The following CHRM3 variants were observed in gnomAD, a reference collection of about 807,000 sequenced individuals.
The protein encoded by CHRM3 is muscarinic acetylcholine receptor M3.
CHRM3 carries 11 observed loss-of-function variants against 41.8 expected under a neutral mutation model. That is an observed-to-expected ratio of 0.26 (90% CI 0.17 to 0.44). The LOEUF (loss-of-function observed/expected upper bound fraction) is 0.44, where lower values mean the gene tolerates loss of function less well. Ranked by LOEUF, CHRM3 falls within the 20% of genes least tolerant of loss-of-function variation. CHRM3 has a pLI of 1.00. For synonymous variants in CHRM3, 297 were observed against 301.4 expected (o/e 0.99, Z 0.15); for missense variants, 571 against 745.4 (o/e 0.77, Z 2.72).
intron 3 of CHRM3, among the ~76,000 whole-genome samples, chr1:239,628,706 G>T (rs1669320435): frequency 3.7e-5 from 2 of 53,866 alleles, no homozygotes; most frequent in African/African-American, 3.3e-4. Flanking sequence ...CTGTTTGTTA[G>T]TTTTCCTTCT....
intron 3 of CHRM3, among the ~76,000 whole-genome samples, chr1:239,613,109 G>C (rs974783147): frequency 2.0e-5 from 3 of 152,184 alleles, no homozygotes; most frequent in African/African-American, 7.2e-5. Context: ...TGTGATTTGG[G>C]ATGCCCCTCA....
rs138614648 is a variant in CHRM3, at chr1:239,548,976, G to A, written c.-313+3227G>A. Among the ~76,000 whole-genome samples the A allele has an allele frequency of 7.5e-3, 1,144 of 152,224 alleles. 17 individuals carry two copies. The highest frequency in any genetic ancestry group is 0.025 in the African/African-American group (1,056 of 41,510). ...AAATAAAGAGGTTTAATGAACTTAC[G>A]GTTCTATGTGGCTGGGGAGGCCTCA... On this transcript the variant is annotated intron_variant, in intron 3 of 6. Coordinates refer to ENST00000676153, the MANE Select transcript of CHRM3 (RefSeq NM_001375978.1).
intron 1 of CHRM3, among the ~76,000 whole-genome samples, chr1:239,415,945 G>A (rs962712539): frequency 2.0e-5 from 3 of 152,048 alleles, no homozygotes; most frequent in East Asian, 1.9e-4. Context: ...TTTCTTACTC[G>A]GTAAAAATTA....
chr1:239,661,658 A>G (rs547756415), intron 4 of CHRM3, among the ~76,000 whole-genome samples: 2 of 152,326 alleles, frequency 1.3e-5, no homozygotes, highest in African/African-American at 4.8e-5. Context: ...GAGTTAGCGT[A>G]GAGGGAGGGA....
intron 6 of CHRM3, among the ~76,000 whole-genome samples, chr1:239,876,393 G>C (rs1388690298): frequency 6.6e-6 from 1 of 152,216 alleles, no homozygotes; most frequent in Non-Finnish European, 1.5e-5. Flanking sequence ...TTGGTGACAT[G>C]ATAGCGAGGT....
intron 6 of CHRM3, among the ~76,000 whole-genome samples, chr1:239,872,567 T>C (rs1310034287): frequency 6.6e-6 from 1 of 152,174 alleles, no homozygotes; most frequent in Non-Finnish European, 1.5e-5. Context: ...AATGACAGGA[T>C]ACAACACAAA....
intron 4 of CHRM3, among the ~76,000 whole-genome samples, chr1:239,674,599 A>G (rs1334740385): frequency 6.6e-6 from 1 of 150,894 alleles, no homozygotes; most frequent in Non-Finnish European, 1.5e-5. Context: ...AGTCCCAGCT[A>G]CTCTGAAGGC....
intron 2 of CHRM3, among the ~76,000 whole-genome samples, chr1:239,529,461 A>C (rs2148316623): frequency 6.6e-6 from 1 of 151,924 alleles, no homozygotes; most frequent in East Asian, 2.0e-4. Context: ...AAAATACAAA[A>C]ATTAGCTGGA....
chr1:239,888,700 G>T (rs1678283386), intron 6 of CHRM3, among the ~76,000 whole-genome samples: 1 of 152,082 alleles, frequency 6.6e-6, no homozygotes, highest in Non-Finnish European at 1.5e-5. Flanking sequence ...TTCATGGGGA[G>T]AAACCAAGTA....
At chr1:239,811,259 T>C (rs1671092658) in intron 5 of CHRM3, among the ~76,000 whole-genome samples, 1 of 152,220 alleles carries the variant, frequency 6.6e-6, no homozygotes, top group African/African-American at 2.4e-5. Flanking sequence ...ATTTTAGCTC[T>C]TATGATGTGG....
At position 239,915,178 on chromosome 1, in the gene CHRM3, A is replaced by G. The variant is rs1279938676; in HGVS notation, c.*5954A>G. 3.4e-4 allele frequency: 56 copies of G among 167,058 alleles called. No homozygotes were observed. Among genetic ancestry groups the G allele is most frequent in the Non-Finnish European group, 4.4e-5 (3 of 68,112 alleles). The allele number at this position is 167,058 out of a possible 1,614,324, so 10.3% of individuals were successfully genotyped here. ...GCAGTCCAAAAACAGATGGGTGTATATTTGCTTTGTAAGCAAAGGGCATGT... is the reference window on the plus strand; with the variant it reads ...GCAGTCCAAAAACAGATGGGTGTATGTTTGCTTTGTAAGCAAAGGGCATGT... On this transcript the variant is annotated 3_prime_UTR_variant, in exon 7 of 7. Coordinates refer to ENST00000676153, the MANE Select transcript of CHRM3 (RefSeq NM_001375978.1).
At chr1:239,871,364 C>G (rs1445759579) in intron 6 of CHRM3, among the ~76,000 whole-genome samples, 12 of 152,102 alleles carry the variant, frequency 7.9e-5, no homozygotes, top group Admixed American at 7.9e-4. Flanking sequence ...GCCTCAGCCT[C>G]CTGAGTAGCT....
intron 6 of CHRM3, among the ~76,000 whole-genome samples, chr1:239,874,974 C>A (rs988435164): frequency 6.6e-6 from 1 of 152,136 alleles, no homozygotes; most frequent in Admixed American, 6.5e-5. Flanking sequence ...GCTGGGATTA[C>A]AGTCATGAGC....
chr1:239,833,989 C>T (rs557703420), intron 6 of CHRM3, among the ~76,000 whole-genome samples: 2 of 152,292 alleles, frequency 1.3e-5, no homozygotes, highest in Non-Finnish European at 2.9e-5. Flanking sequence ...AGGAAGATTA[C>T]TTTCTATCTG....
intron 5 of CHRM3, among the ~76,000 whole-genome samples, chr1:239,683,659 C>T (rs998564242): frequency 1.3e-5 from 2 of 152,096 alleles, no homozygotes; most frequent in Admixed American, 1.3e-4. Flanking sequence ...AGATAAAATT[C>T]GACAGCATCT....
intron 5 of CHRM3, among the ~76,000 whole-genome samples, chr1:239,790,346 T>G (rs1315133187): frequency 6.6e-6 from 1 of 152,170 alleles, no homozygotes; most frequent in Non-Finnish European, 1.5e-5. Context: ...ATTGTAGTAA[T>G]ACCCACACGT....
intron 6 of CHRM3, among the ~76,000 whole-genome samples, chr1:239,853,657 C>T (rs1378453841): frequency 6.6e-6 from 1 of 151,964 alleles, no homozygotes; most frequent in Admixed American, 6.6e-5. Flanking sequence ...TTAGTGTATT[C>T]TGTTGTATAG....
intron 5 of CHRM3, among the ~76,000 whole-genome samples, chr1:239,788,436 C>T (rs933129309): frequency 2.6e-5 from 4 of 152,026 alleles, no homozygotes; most frequent in African/African-American, 7.2e-5. Context: ...CTAAGGCCTA[C>T]GTTAACAGTC....
intron 1 of CHRM3, among the ~76,000 whole-genome samples, chr1:239,434,675 A>G (rs772262024): frequency 2.2e-4 from 33 of 152,318 alleles, no homozygotes; most frequent in Admixed American, 9.8e-4. Flanking sequence ...AAGTGCTTTC[A>G]ATATACATCA....
Sources: allele counts gnomAD v4.1 joint callset (sites outside exome capture counted in the v4.1 genomes callset), GRCh38; gene constraint gnomAD v4.1.1; transcripts MANE v1.5; gene names NCBI Gene and HGNC (gene_info 2026-07-23, HGNC 2026-07-21).